Variants in CELF2 observed in about 807,000 individuals in gnomAD.
CELF2 encodes CUGBP Elav-like family member 2, also known as CUG triplet repeat RNA-binding protein 2.
Under a neutral mutation model 62.6 loss-of-function variants are expected in CELF2, and 8 were observed. The observed-to-expected ratio is 0.13, with a 90% CI of 0.07 to 0.23. CELF2 has a LOEUF of 0.23. Among genes scored for constraint, CELF2 ranks in the 10% least tolerant of loss-of-function variants. CELF2 has a pLI of 1.00. For missense variants in CELF2, 333 were observed against 671.0 expected, an observed-to-expected ratio of 0.50 and a Z score of 5.56; for synonymous variants, 258 against 250.0, an observed-to-expected ratio of 1.03 and a Z score of -0.30.
In CELF2 at chr10:11,207,132, G is replaced by A. The variant is rs753875859; in HGVS notation, c.272-10293G>A. On this transcript the variant is annotated intron_variant, in intron 2 of 12. Coordinates refer to ENST00000633077, the MANE Select transcript of CELF2 (RefSeq NM_001326342.2). This position sits in a 1 kb window ranked among gnomAD's most constrained non-coding sequence, Gnocchi z 4.1. ...ACCTTTTCTATCTGTGTCGTGCTTTGGTGGAATTTACATAATCATGGGTGA... is the reference window on the plus strand; with the variant it reads ...ACCTTTTCTATCTGTGTCGTGCTTTAGTGGAATTTACATAATCATGGGTGA... 1.6e-4 allele frequency among the ~76,000 whole-genome samples: 25 copies of A among 152,314 alleles called. No individual in the cohort carries two copies. The highest frequency in any genetic ancestry group is 6.8e-3 in the Middle Eastern group (2 of 294).
chr10:10,909,562 A>C (rs1193702871), intron 1 of CELF2, among the ~76,000 whole-genome samples: 1 of 152,174 alleles, frequency 6.6e-6, no homozygotes, highest in Non-Finnish European at 1.5e-5. Flanking sequence ...CTCTTTGAAG[A>C]CCGTGGCTTT....
the CELF2 span, among the ~76,000 whole-genome samples, chr10:10,769,924 T>G: frequency 6.6e-6 from 1 of 152,162 alleles, no homozygotes; most frequent in African/African-American, 2.4e-5. Flanking sequence ...GAGACTAGAC[T>G]TAATTGCTGT....
chr10:11,088,997 A>G (rs1045657687), intron 1 of CELF2, among the ~76,000 whole-genome samples: 1 of 152,170 alleles, frequency 6.6e-6, no homozygotes, highest in African/African-American at 2.4e-5. Context: ...GCTGGGTTTG[A>G]GAGAGGCGAG....
chr10:10,819,576 G>A (rs1307796032), intron 1 of CELF2, among the ~76,000 whole-genome samples: 1 of 151,946 alleles, frequency 6.6e-6, no homozygotes, highest in African/African-American at 2.4e-5. Flanking sequence ...TGGCTTCCAC[G>A]AGACTGGAGA....
At chr10:10,499,174 C>T in the CELF2 span, among the ~76,000 whole-genome samples, 239 of 150,976 alleles carry the variant, frequency 1.6e-3, 1 homozygote, top group African/African-American at 5.5e-3. Flanking sequence ...TCAAGCGATT[C>T]TTGTGCCTCA....
At chr10:11,168,770 G>A (rs957328770) in intron 2 of CELF2, among the ~76,000 whole-genome samples, 1 of 152,104 alleles carries the variant, frequency 6.6e-6, no homozygotes, top group African/African-American at 2.4e-5. Context: ...CTGTTTAGTC[G>A]TGAGACACAA....
At chr10:10,875,743 T>G (rs1564752582) in intron 1 of CELF2, among the ~76,000 whole-genome samples, 3 of 152,186 alleles carry the variant, frequency 2.0e-5, no homozygotes, top group Non-Finnish European at 4.4e-5. Context: ...TACAGTATGT[T>G]ATTTAAAAGG....
the CELF2 span, among the ~76,000 whole-genome samples, chr10:10,635,879 T>A: frequency 6.6e-6 from 1 of 152,240 alleles, no homozygotes; most frequent in Non-Finnish European, 1.5e-5. Flanking sequence ...GTGCTTGCTG[T>A]GGCAACTGTG....
chr10:10,907,532 CCT>C (rs2063445849), intron 1 of CELF2, among the ~76,000 whole-genome samples: 1 of 152,148 alleles, frequency 6.6e-6, no homozygotes, highest in South Asian at 2.1e-4. Context: ...CTAAAGAAAT[CCT>C]GGCATGCAGA....
intron 1 of CELF2, chr10:11,164,895 A>G (rs1432562903): frequency 1.1e-5 from 2 of 189,296 alleles, no homozygotes; most frequent in Non-Finnish European, 2.0e-5. Context: ...TGATGCACAC[A>G]TGGATGCCTC....
intron 5 of CELF2, 69 bp downstream of exon 5, chr10:11,257,941 G>C (rs1303063815): frequency 2.5e-6 from 4 of 1,580,750 alleles, no homozygotes; most frequent in Non-Finnish European, 3.5e-6. Context: ...AGTCGAGACA[G>C]ATGTAGGCAC....
chr10:11,037,811 CATG>C (rs983690830), intron 1 of CELF2, among the ~76,000 whole-genome samples: 2 of 152,112 alleles, frequency 1.3e-5, no homozygotes, highest in Non-Finnish European at 2.9e-5. Context: ...ACTTCTGTGT[CATG>C]ATATGCTTCT....
chr10:11,111,244 C>G (rs934547238), intron 1 of CELF2, among the ~76,000 whole-genome samples: 2 of 152,192 alleles, frequency 1.3e-5, no homozygotes, highest in Non-Finnish European at 2.9e-5. Flanking sequence ...TTAAAAACTT[C>G]TGTGATTAAA....
chr10:11,047,118 T>C (rs1051444066), intron 1 of CELF2, among the ~76,000 whole-genome samples: 3 of 152,190 alleles, frequency 2.0e-5, no homozygotes, highest in Admixed American at 6.5e-5. Flanking sequence ...TTTTCCTTCA[T>C]GAAAACAGAT....
the CELF2 span, among the ~76,000 whole-genome samples, chr10:10,680,648 A>G: frequency 6.6e-6 from 1 of 152,342 alleles, no homozygotes; most frequent in African/African-American, 2.4e-5. Flanking sequence ...TCACTTGGAT[A>G]GCGCGTGGCC....
At chr10:11,209,148 C>T (rs1414194306) in intron 2 of CELF2, among the ~76,000 whole-genome samples, 2 of 152,070 alleles carry the variant, frequency 1.3e-5, no homozygotes, top group East Asian at 1.9e-4. Context: ...TAGCCATCTG[C>T]GTTCAGCATC....
At chr10:10,590,161 G>GTACA in the CELF2 span, among the ~76,000 whole-genome samples, 1 of 150,054 alleles carries the variant, frequency 6.7e-6, no homozygotes, top group Non-Finnish European at 1.5e-5. Flanking sequence ...ACATGTGCAT[G>GTACA]CACACACACA....
At chr10:10,884,076 G>A (rs2061604751) in intron 1 of CELF2, among the ~76,000 whole-genome samples, 1 of 152,016 alleles carries the variant, frequency 6.6e-6, no homozygotes, top group Admixed American at 6.6e-5. Flanking sequence ...TTAGGAATCT[G>A]CAAGGAACCT....
Position 11,305,189 on chromosome 10 carries a change from A to G in CELF2, c.977-8950A>G, listed in dbSNP as rs1591148434. Among the ~76,000 whole-genome samples, 1 of 152,338 alleles carries G rather than the reference A, an allele frequency of 6.6e-6. No individual in the cohort carries two copies. The highest frequency in any genetic ancestry group is 2.4e-5 in the African/African-American group (1 of 41,578). On this transcript the variant is annotated intron_variant, in intron 9 of 12. Coordinates refer to ENST00000633077, the MANE Select transcript of CELF2 (RefSeq NM_001326342.2). This position sits in a 1 kb window ranked among gnomAD's most constrained non-coding sequence, Gnocchi z 4.8. Reference sequence around the variant, plus strand: ...GGGGGAGGTGGTCCAGGTTATCCACATAGCAGAGAAAAGAACTTTTTTCTG... The same window carrying G: ...GGGGGAGGTGGTCCAGGTTATCCACGTAGCAGAGAAAAGAACTTTTTTCTG...
Sources: gnomAD v4.1 joint callset for allele counts (sites outside exome capture counted in the v4.1 genomes callset) on GRCh38, gnomAD v4.1.1 for gene constraint, Gnocchi (gnomAD v3.1) non-coding constraint, MANE v1.5 for transcripts, NCBI Gene and HGNC (gene_info 2026-07-23, HGNC 2026-07-21) for gene names.